The following ELP2 variants were observed in gnomAD, a reference collection of about 807,000 sequenced individuals.
The protein encoded by ELP2 is elongator complex protein 2.
ELP2 carries 90 observed loss-of-function variants against 119.2 expected under a neutral mutation model. The observed-to-expected ratio is 0.75, with a 90% confidence interval of 0.64 to 0.90. The LOEUF (loss-of-function observed/expected upper bound fraction) is 0.90. Among genes scored for constraint, ELP2 ranks in the 40% least tolerant of loss-of-function variants. The probability of loss-of-function intolerance (pLI) is 0.00; values close to 1 mark genes in which losing one functional copy is unlikely to be tolerated. For synonymous variants in ELP2, 339 were observed against 331.0 expected (o/e 1.02, Z -0.26); for missense variants, 921 against 967.8 (o/e 0.95, Z 0.64).
At chr18:36,132,984 T>C (rs984932776) in intron 1 of ELP2, among the ~76,000 whole-genome samples, 2 of 152,048 alleles carry the variant, frequency 1.3e-5, no homozygotes, top group African/African-American at 4.8e-5. Context: ...GGTGGGTGGA[T>C]GCAGACGCGA....
chr18:36,163,110 A>G (rs2090788997), intron 17 of ELP2, among the ~76,000 whole-genome samples: 1 of 152,010 alleles, frequency 6.6e-6, no homozygotes, highest in South Asian at 2.1e-4. Flanking sequence ...CCATATGTCC[A>G]TGTATACCCA....
rs191034457 is a variant in ELP2 at position 36,158,446 on chromosome 18, G to T, written c.1465-389G>T. 1.8e-3 allele frequency: 324 copies of T among 184,508 alleles called. 1 individual carries two copies. The highest frequency in any genetic ancestry group is 7.4e-3 in the African/African-American group (312 of 42,352). The allele number at this position is 184,508 out of a possible 1,614,324, so 11.4% of individuals were successfully genotyped here. On this transcript the variant is annotated intron_variant, in intron 13 of 21. Transcript: ENST00000358232. ...CTGTGTTTATATGAGCATCATCAGG[G>T]GATGTGCCTGTGAGATTATCTTGGA... is the stretch of plus-strand genomic sequence containing the variant.
intron 20 of ELP2, 70 bp downstream of exon 20, chr18:36,170,266 T>C (rs573037957): frequency 5.6e-4 from 883 of 1,588,492 alleles, no homozygotes; most frequent in Non-Finnish European, 7.1e-4. Flanking sequence ...CTCATGTCAT[T>C]TCATTTGTGA....
intron 11 of ELP2, among the ~76,000 whole-genome samples, chr18:36,147,098 T>G (rs1464500940): frequency 1.3e-5 from 2 of 151,102 alleles, no homozygotes; most frequent in East Asian, 3.9e-4. Flanking sequence ...TTTTTTTTTT[T>G]TTTTCTTTTA....
chr18:36,136,188 A>C, intron 2 of ELP2, 119 bp from the exon 3 acceptor site: 1 of 735,578 alleles, frequency 1.4e-6, no homozygotes, highest in Non-Finnish European at 2.4e-6. Context: ...GCAAAATGTT[A>C]CCAGTTTGTG....
chr18:36,164,738 T>G lies in ELP2; in HGVS notation c.1954+71T>G, dbSNP rs1015505894. 2.1e-6 allele frequency: 3 copies of G among 1,453,220 alleles called. No homozygotes were observed. In the African/African-American group the frequency reaches 4.2e-5, roughly 20 times the overall value. 90.0% of individuals were successfully genotyped at this position (1,453,220 alleles called of 1,614,324 possible). On this transcript the variant is annotated intron_variant, in intron 18 of 21. Transcript: ENST00000358232. ...TTCATTTTATCTACATTAAGCAGCTTTAGTTAAGAGAAAGATAACAGAGTG... is the reference window on the plus strand; with the variant it reads ...TTCATTTTATCTACATTAAGCAGCTGTAGTTAAGAGAAAGATAACAGAGTG...
chr18:36,161,623 A>C (rs1481820160), intron 17 of ELP2, among the ~76,000 whole-genome samples: 1 of 152,218 alleles, frequency 6.6e-6, no homozygotes. Flanking sequence ...ATGATATAGC[A>C]ATTGTGGAGG....
chr18:36,136,482 C>A (rs181971175), intron 3 of ELP2, 105 bp downstream of exon 3: 14 of 899,758 alleles, frequency 1.6e-5, no homozygotes, highest in Middle Eastern at 2.6e-4. Context: ...GTGGTGCGAT[C>A]GTGGCTCACC....
chr18:36,131,510 G>A (rs1344758482), intron 1 of ELP2, among the ~76,000 whole-genome samples: 1 of 152,202 alleles, frequency 6.6e-6, no homozygotes, highest in African/African-American at 2.4e-5. Context: ...GCGGCCATAG[G>A]GGTGGAGTTG....
At chr18:36,140,267 C>A (rs1307568468) in intron 5 of ELP2, among the ~76,000 whole-genome samples, 2 of 151,330 alleles carry the variant, frequency 1.3e-5, no homozygotes, top group Non-Finnish European at 2.9e-5. Context: ...AGCTGGGACT[C>A]CAAGCACATG....
intron 2 of ELP2, among the ~76,000 whole-genome samples, chr18:36,135,517 A>G (rs1169773506): frequency 6.6e-6 from 1 of 152,210 alleles, no homozygotes; most frequent in Non-Finnish European, 1.5e-5. Flanking sequence ...TCTTTAGTCC[A>G]GCTGCTTCCC....
chr18:36,169,383 A>C (rs2091007678), intron 19 of ELP2, among the ~76,000 whole-genome samples: 1 of 116,032 alleles, frequency 8.6e-6, no homozygotes, highest in Non-Finnish European at 1.8e-5. Context: ...GAAAGCTGAT[A>C]AGTTCTTTTT....
At position 36,141,126 on chromosome 18, in the gene ELP2, T is replaced by A; in HGVS notation, c.524-11T>A. 1 of 1,612,658 alleles carries A rather than the reference T, an allele frequency of 6.2e-7. No homozygotes were observed. The highest frequency in any genetic ancestry group is 8.5e-7 in the Non-Finnish European group (1 of 1,178,690). The stretch of plus-strand genomic sequence containing the variant: ...AGAACTCACAGTGAAGCCTGTTTTT[T>A]CTTCCCCCAGTACCAATATTAGCAT... On this transcript the variant is annotated splice_polypyrimidine_tract_variant and intron_variant, in intron 5 of 21. Coordinates refer to ENST00000358232, the MANE Select transcript of ELP2 (RefSeq NM_018255.4).
intron 5 of ELP2, among the ~76,000 whole-genome samples, chr18:36,139,930 C>T (rs1173115599): frequency 3.3e-5 from 5 of 150,324 alleles, no homozygotes; most frequent in Non-Finnish European, 7.4e-5. Context: ...CTCACTGCAG[C>T]CTCAAACTCC....
intron 19 of ELP2, 188 bp from the exon 20 acceptor site, chr18:36,169,875 C>A: frequency 1.4e-6 from 1 of 706,362 alleles, no homozygotes; most frequent in Non-Finnish European, 2.4e-6. Context: ...CGCATGTCTG[C>A]TGTACCGTGC....
chr18:36,134,837 G>A (rs1026531695), intron 2 of ELP2, among the ~76,000 whole-genome samples: 20 of 152,092 alleles, frequency 1.3e-4, no homozygotes, highest in African/African-American at 4.8e-4. Context: ...TATATCTACT[G>A]TAGTTTTGAT....
At position 36,167,151 on chromosome 18, in the gene ELP2, A is replaced by G. The variant is rs151280482; in HGVS notation, c.2005A>G (p.Ser669Gly). The G allele has an allele frequency of 6.5e-4, 1,043 of 1,602,142 alleles. 8 individuals carry two copies. In the South Asian group the frequency reaches 7.8e-3, roughly 12 times the overall value. Residue 669 changes from serine to glycine, a missense_variant, in exon 19 of 22, where the codon AGT becomes GGT. Ser to Gly is a moderately conservative substitution (Grantham distance 56). Coordinates refer to ENST00000358232, the MANE Select transcript of ELP2 (RefSeq NM_018255.4). ...CACCAACAAAATTACTTCTGTGCAC[A>G]GTAGAATTATTTGGTCTTGTGATTG... ...AFTNKITSVH[S>G]RIIWSCDWSP...
chr18:36,154,880 G>C lies in ELP2; in HGVS notation c.1156G>C (p.Gly386Arg), dbSNP rs2090513457. The change falls in exon 12 of 22, where the codon GGA becomes CGA. Residue 386 changes from glycine to arginine, a missense_variant. By Grantham distance (125) the Gly-to-Arg change is moderately radical. Coordinates refer to ENST00000358232, the MANE Select transcript of ELP2 (RefSeq NM_018255.4). ...REWTPEIVISGHFDGVQDLVW... is the reference protein window; with the variant it reads ...REWTPEIVISRHFDGVQDLVW... Reference sequence around the variant, plus strand: ...GTGGACTCCAGAGATTGTCATTTCAGGACACTTTGATGGTGTCCAAGACCT... The same window carrying C: ...GTGGACTCCAGAGATTGTCATTTCACGACACTTTGATGGTGTCCAAGACCT... 2 of 1,614,078 alleles carry C rather than the reference G, an allele frequency of 1.2e-6. No individual in the cohort carries two copies. The highest frequency in any genetic ancestry group is 1.3e-5 in the African/African-American group (1 of 75,020).
chr18:36,130,037 G>C lies in ELP2; in HGVS notation c.104G>C (p.Gly35Ala). Residue 35 changes from glycine to alanine, a missense_variant, in exon 1 of 22, where the codon GGC becomes GCC. By Grantham distance (60) the Gly-to-Ala change is moderately conservative (BLOSUM62 0). Transcript: ENST00000358232. ...SSGPRGLLAF[G>A]TSCSVVLYDP... ...GGGCCCAGAGGACTTCTGGCCTTTG[G>C]CACGTCCTGCTCCGTGGTGCTCTAT... 6.2e-7 allele frequency: 1 copy of C among 1,614,186 alleles called. No individual in the cohort carries two copies.
Sources: allele counts gnomAD v4.1 joint callset (sites outside exome capture counted in the v4.1 genomes callset), GRCh38; gene constraint gnomAD v4.1.1; transcripts MANE v1.5; gene names NCBI Gene and HGNC (gene_info 2026-07-23, HGNC 2026-07-21).